Variants in TWSG1 observed in about 807,000 individuals in gnomAD.
TWSG1 encodes the protein twisted gastrulation protein homolog 1.
In TWSG1, 15 loss-of-function variants were observed where a neutral mutation model predicts 23.0. The ratio of observed to expected loss-of-function variants is 0.65; its 90% confidence interval spans 0.44 to 1.00. The LOEUF (loss-of-function observed/expected upper bound fraction) is 1.00. Among genes scored for constraint, TWSG1 ranks in the 50% least tolerant of loss-of-function variants. The pLI, the probability that TWSG1 is intolerant of heterozygous loss-of-function variation, is 0.00. For missense variants in TWSG1, 242 were observed against 278.7 expected, an observed-to-expected ratio of 0.87 and a Z score of 0.94; for synonymous variants, 86 against 92.8, an observed-to-expected ratio of 0.93 and a Z score of 0.42.
At chr18:9,345,352 A>T (rs2040472187) in intron 2 of TWSG1, among the ~76,000 whole-genome samples, 1 of 152,164 alleles carries the variant, frequency 6.6e-6, no homozygotes, top group African/African-American at 2.4e-5. Context: ...TTTTCCTCTA[A>T]GAATTTTAGA....
chr18:9,394,215 T>C (rs991051564), intron 3 of TWSG1, among the ~76,000 whole-genome samples: 1 of 152,214 alleles, frequency 6.6e-6, no homozygotes, highest in Admixed American at 6.6e-5. Flanking sequence ...GGAATGCTAT[T>C]CATCCACAAA....
chr18:9,363,174 C>G (rs975885862), intron 3 of TWSG1, among the ~76,000 whole-genome samples: 1 of 152,148 alleles, frequency 6.6e-6, no homozygotes, highest in East Asian at 1.9e-4. Flanking sequence ...AGGAAACTTT[C>G]CCCTGTGGCT....
rs577583584 is a variant in TWSG1, at chr18:9,362,951, C to A, written c.223+2880C>A. The stretch of plus-strand genomic sequence containing the variant: ...AGGATAAAACTGAGATATTCCAGTT[C>A]TATTTATACAGCAATCCTCCTCCTT... On this transcript the variant is annotated intron_variant, in intron 3 of 4. Transcript: ENST00000262120. Among the ~76,000 whole-genome samples the A allele has an allele frequency of 1.4e-4, 21 of 152,288 alleles. No individual in the cohort carries two copies. In the South Asian group the frequency reaches 3.5e-3, roughly 26 times the overall value.
In TWSG1 at chr18:9,387,834, G is replaced by A. The variant is rs2040693050; in HGVS notation, c.224-8446G>A. ...CGTTTTACCCCTACTTTCTTTCAGT[G>A]TCAATCTGTAAAAAAAGGTGGACAT... On this transcript the variant is annotated intron_variant, in intron 3 of 4. Coordinates refer to ENST00000262120, the MANE Select transcript of TWSG1 (RefSeq NM_020648.6). Among the ~76,000 whole-genome samples the A allele has an allele frequency of 3.3e-5, 5 of 150,890 alleles. No individual in the cohort carries two copies. In the South Asian group the frequency reaches 8.4e-4, roughly 25 times the overall value.
intron 2 of TWSG1, among the ~76,000 whole-genome samples, chr18:9,353,285 T>C (rs1226775056): frequency 6.6e-6 from 1 of 152,206 alleles, no homozygotes; most frequent in Non-Finnish European, 1.5e-5. Context: ...AATAAGATTC[T>C]TCTCTAAAGA....
At chr18:9,377,621 G>C (rs1274181773) in intron 3 of TWSG1, among the ~76,000 whole-genome samples, 5 of 152,178 alleles carry the variant, frequency 3.3e-5, no homozygotes, top group African/African-American at 4.8e-5. Flanking sequence ...ACTCAAAGTA[G>C]ATCACAGACC....
chr18:9,393,654 C>T (rs2145634656), intron 3 of TWSG1, among the ~76,000 whole-genome samples: 1 of 152,248 alleles, frequency 6.6e-6, no homozygotes, highest in African/African-American at 2.4e-5. Context: ...AATTCCAGGG[C>T]TCAAGTGATC....
intron 3 of TWSG1, among the ~76,000 whole-genome samples, chr18:9,370,809 C>T (rs1037690364): frequency 4.6e-5 from 7 of 152,126 alleles, no homozygotes; most frequent in African/African-American, 1.7e-4. Context: ...TCCTTTTCTG[C>T]TTTGAGCCCA....
rs372118819 is a variant in TWSG1 at position 9,355,582 on chromosome 18, T to C, written c.124-4390T>C. Among the ~76,000 whole-genome samples, 10 of 152,348 alleles carry C rather than the reference T, an allele frequency of 6.6e-5. No homozygotes were observed. The East Asian group carries it at 1.9e-3, about 29-fold the overall frequency. On this transcript the variant is annotated intron_variant, in intron 2 of 4. Transcript: ENST00000262120. ...TACTTGATGAGCTTCATAAAACTGCTATTTATAATTATTTGCATGTGGAAA... is the reference window on the plus strand; with the variant it reads ...TACTTGATGAGCTTCATAAAACTGCCATTTATAATTATTTGCATGTGGAAA...
At chr18:9,370,150 CCTA>C (rs2040597999) in intron 3 of TWSG1, among the ~76,000 whole-genome samples, 1 of 151,736 alleles carries the variant, frequency 6.6e-6, no homozygotes, top group Non-Finnish European at 1.5e-5. Context: ...AAACCCCGTC[CCTA>C]CTAAAAATAC....
At position 9,334,786 on chromosome 18, in the gene TWSG1, C is replaced by G. The variant is rs541484067; in HGVS notation, c.-172C>G. 1 of 152,156 alleles carries G rather than the reference C, an allele frequency of 6.6e-6. No individual in the cohort carries two copies. Among genetic ancestry groups the G allele is most frequent in the South Asian group, 2.1e-4 (1 of 4,828 alleles). 9.4% of individuals were successfully genotyped at this position (152,156 alleles called of 1,614,324 possible). On this transcript the variant is annotated 5_prime_UTR_variant, in exon 1 of 5. Transcript: ENST00000262120. The surrounding 1 kb of genome is among the most constrained non-coding windows in gnomAD (Gnocchi z 4.7). ...GCCTGTCTCTTTAAGGTGCCCGAGG[C>G]TCGCGGGCGCTGCGCTGAGGGGACG...
At chr18:9,385,861 C>A (rs568902844) in intron 3 of TWSG1, among the ~76,000 whole-genome samples, 3 of 152,000 alleles carry the variant, frequency 2.0e-5, no homozygotes, top group Admixed American at 6.6e-5. Context: ...AATAAGAAAG[C>A]TTTTGCAAAT....
At chr18:9,371,038 A>T (rs1311130987) in intron 3 of TWSG1, among the ~76,000 whole-genome samples, 1 of 79,590 alleles carries the variant, frequency 1.3e-5, no homozygotes, top group Non-Finnish European at 3.1e-5. Flanking sequence ...GATTAAACTT[A>T]AAAAAAAAAA....
chr18:9,380,329 C>G (rs2040650790), intron 3 of TWSG1, among the ~76,000 whole-genome samples: 2 of 152,076 alleles, frequency 1.3e-5, no homozygotes, highest in Admixed American at 1.3e-4. Flanking sequence ...GGTCAAATAA[C>G]TAGTATGGAG....
At chr18:9,359,458 C>A (rs1034472637) in intron 2 of TWSG1, among the ~76,000 whole-genome samples, 2 of 152,162 alleles carry the variant, frequency 1.3e-5, no homozygotes, top group Non-Finnish European at 2.9e-5. Context: ...AGCTACATTG[C>A]AAAGAGGGGA....
intron 3 of TWSG1, among the ~76,000 whole-genome samples, chr18:9,393,261 A>AAC (rs2040720632): frequency 6.6e-6 from 1 of 152,242 alleles, no homozygotes; most frequent in African/African-American, 2.4e-5. Flanking sequence ...CACAAAAAGA[A>AAC]ACACAGAGGG....
Position 9,360,071 on chromosome 18 carries a change from G to T in TWSG1, c.223G>T (p.Gly75Cys). Residue 75 changes from glycine to cysteine, a missense_variant and splice_region_variant, in exon 3 of 5, where the codon GGT (glycine) becomes TGT (cysteine). By Grantham distance (159) the Gly-to-Cys change is radical. Coordinates refer to ENST00000262120, the MANE Select transcript of TWSG1 (RefSeq NM_020648.6). ...TTGGGACGAGTGCTGTGACTGTGTT[G>T]GTAAGTTGATACCAAGGGAGACTTC... is the stretch of plus-strand genomic sequence containing the variant. Reference protein sequence around the residue: ...ALWDECCDCVGMCNPRNYSDT... With the variant: ...ALWDECCDCVCMCNPRNYSDT... 1 of 1,611,302 alleles carries T rather than the reference G, an allele frequency of 6.2e-7. No homozygotes were observed. The highest frequency in any genetic ancestry group is 1.1e-5 in the South Asian group (1 of 90,844).
chr18:9,374,710 A>G (rs1214944791), intron 3 of TWSG1, among the ~76,000 whole-genome samples: 1 of 152,232 alleles, frequency 6.6e-6, no homozygotes, highest in Admixed American at 6.5e-5. Context: ...CAAATTAGAC[A>G]AAGATATTAC....
chr18:9,352,791 C>T (rs561561670), intron 2 of TWSG1, among the ~76,000 whole-genome samples: 16 of 152,172 alleles, frequency 1.1e-4, no homozygotes, highest in African/African-American at 3.6e-4. Context: ...CCATTTCTGG[C>T]CTAGAAATTT....
Sources: allele counts gnomAD v4.1 joint callset (sites outside exome capture counted in the v4.1 genomes callset), GRCh38; gene constraint gnomAD v4.1.1; non-coding constraint Gnocchi (gnomAD v3.1); transcripts MANE v1.5; gene names NCBI Gene and HGNC (gene_info 2026-07-23, HGNC 2026-07-21).